The following ADAM22 variants were observed in gnomAD, a reference collection of about 807,000 sequenced individuals.
ADAM22 encodes the protein ADAM metallopeptidase domain 22, also known as disintegrin and metalloproteinase domain-containing protein 22.
Under a neutral mutation model 144.6 loss-of-function variants are expected in ADAM22, and 65 were observed. That is an observed-to-expected ratio of 0.45 (90% CI 0.37 to 0.55). ADAM22 has a LOEUF of 0.55. Among genes scored for constraint, ADAM22 ranks in the 20% least tolerant of loss-of-function variants. The pLI is 0.00. For synonymous variants in ADAM22, 391 were observed against 412.6 expected (o/e 0.95, Z 0.63); for missense variants, 974 against 1,184.9 (o/e 0.82, Z 2.61).
In ADAM22 at chr7:88,145,420, T is replaced by C. The variant is rs1836097206; in HGVS notation, c.1398T>C (p.Cys466=). ...AAAATGTTTATATTCCTTAGGAATG[T>C]GTCCTTGAAGGAGCAGAGTGTTGTA... ...EECDCGTPAE[C]VLEGAECCKK... is the part of the protein sequence containing the mutation. Residue 466 remains cysteine (C), a synonymous_variant, in exon 17 of 32, where the codon TGT becomes TGC. Coordinates refer to ENST00000413139, the MANE Select transcript of ADAM22 (RefSeq NM_001324418.2). The C allele has an allele frequency of 1.9e-6, 3 of 1,612,786 alleles. No homozygotes were observed. Among genetic ancestry groups the C allele is most frequent in the Non-Finnish European group, 2.5e-6 (3 of 1,178,970 alleles).
chr7:88,011,823 G>A lies in ADAM22; in HGVS notation c.323+33411G>A, dbSNP rs148318468. On this transcript the variant is annotated intron_variant, in intron 3 of 31. Coordinates refer to ENST00000413139, the MANE Select transcript of ADAM22 (RefSeq NM_001324418.2). ...TGCAGTTTGAATGATACACCTAGGT[G>A]TAGATATTTTGGTATTTATTCTGTT... Among the ~76,000 whole-genome samples, 248 of 151,116 alleles carry A rather than the reference G, an allele frequency of 1.6e-3. 1 individual carries two copies. The highest frequency in any genetic ancestry group is 5.8e-3 in the African/African-American group (236 of 40,956).
In ADAM22 at chr7:88,201,634, C is replaced by T. The variant is rs1350015062; in HGVS notation, c.*5143C>T. On this transcript the variant is annotated 3_prime_UTR_variant, in exon 32 of 32. Transcript: ENST00000413139. Reference sequence around the variant, plus strand: ...CCTGATGCATCCCTGTTGCACTGTTCATAAAACCTGTATCATATGGGGAAG... The same window carrying T: ...CCTGATGCATCCCTGTTGCACTGTTTATAAAACCTGTATCATATGGGGAAG... 2.6e-5 allele frequency: 4 copies of T among 152,174 alleles called. No homozygotes were observed. Among genetic ancestry groups the T allele is most frequent in the African/African-American group, 9.7e-5 (4 of 41,430 alleles). The allele number at this position is 152,174 out of a possible 1,614,324, so 9.4% of individuals were successfully genotyped here.
In ADAM22 at chr7:88,125,676, G is replaced by C. The variant is rs1406167232; in HGVS notation, c.678+17G>C. 6.4e-7 allele frequency: 1 copy of C among 1,555,802 alleles called. No homozygotes were observed. The highest frequency in any genetic ancestry group is 1.4e-5 in the African/African-American group (1 of 71,046). On this transcript the variant is annotated intron_variant, in intron 8 of 31. Coordinates refer to ENST00000413139, the MANE Select transcript of ADAM22 (RefSeq NM_001324418.2). ...AAACGGCAGGTATGTATTCACAGTG[G>C]TGTGTCGTGTTATTTTAAAACAATT...
intron 5 of ADAM22, among the ~76,000 whole-genome samples, chr7:88,113,061 T>G (rs1826475431): frequency 6.6e-6 from 1 of 151,222 alleles, no homozygotes; most frequent in Non-Finnish European, 1.5e-5. Flanking sequence ...TTCCCTCTGC[T>G]TCCTGCTTCC....
At position 88,168,142 on chromosome 7, in the gene ADAM22, G is replaced by T. The variant is rs1289551192; in HGVS notation, c.2197G>T (p.Ala733Ser). 1 of 1,612,708 alleles carries T rather than the reference G, an allele frequency of 6.2e-7. No individual in the cohort carries two copies. The highest frequency in any genetic ancestry group is 1.7e-5 in the Admixed American group (1 of 59,906). Residue 733 changes from alanine (A) to serine (S), a missense_variant, in exon 25 of 32, where the codon GCT becomes TCT. Around this residue, in one of 2 missense-constraint regions of ADAM22, gnomAD observed 734 missense variants for 950.6 expected, o/e 0.77. Transcript: ENST00000413139. Reference protein sequence around the residue: ...TGITLSGNGVAGTNIIIGIIA... With the variant: ...TGITLSGNGVSGTNIIIGIIA... Reference sequence around the variant, plus strand: ...TTTCTTTTTTTTCCTCTCAGGTGTTGCTGGCACCAATATCATAATAGGCAT... The same window carrying T: ...TTTCTTTTTTTTCCTCTCAGGTGTTTCTGGCACCAATATCATAATAGGCAT...
chr7:87,989,843 G>T (rs569969553), intron 3 of ADAM22, among the ~76,000 whole-genome samples: 4 of 152,150 alleles, frequency 2.6e-5, no homozygotes, highest in African/African-American at 9.6e-5. Flanking sequence ...TTGAACCTGG[G>T]AGGTGGAGTT....
At chr7:88,081,911 C>T (rs546544422) in intron 4 of ADAM22, among the ~76,000 whole-genome samples, 1 of 151,322 alleles carries the variant, frequency 6.6e-6, no homozygotes, top group South Asian at 2.1e-4. Flanking sequence ...GGCCATACTG[C>T]CCAAGGTAAT....
intron 3 of ADAM22, among the ~76,000 whole-genome samples, chr7:88,068,781 G>A (rs1811950581): frequency 6.6e-6 from 1 of 152,116 alleles, no homozygotes. Flanking sequence ...CTGTCAGCTA[G>A]GGACATGATT....
chr7:88,187,324 TCAA>T (rs1848543215), intron 30 of ADAM22, among the ~76,000 whole-genome samples: 2 of 152,214 alleles, frequency 1.3e-5, no homozygotes, highest in Non-Finnish European at 2.9e-5. Context: ...ATACAGATTC[TCAA>T]CAAAGCATGT....
chr7:88,201,806 C>G lies in ADAM22; in HGVS notation c.*5315C>G, dbSNP rs1851223339. The G allele has an allele frequency of 6.6e-6, 1 of 152,134 alleles. No individual in the cohort carries two copies. The highest frequency in any genetic ancestry group is 1.5e-5 in the Non-Finnish European group (1 of 68,024). The allele number at this position is 152,134 out of a possible 1,614,324, so 9.4% of individuals were successfully genotyped here. ...ACGAATTCTTAAGATAATGCACATA[C>G]AGAATCATCAATAAAGTTTCAAAGA... On this transcript the variant is annotated 3_prime_UTR_variant, in exon 32 of 32. Transcript: ENST00000413139.
chr7:87,955,772 G>A (rs111504211), intron 2 of ADAM22, among the ~76,000 whole-genome samples: 1 of 152,166 alleles, frequency 6.6e-6, no homozygotes, highest in Non-Finnish European at 1.5e-5. Flanking sequence ...AGCTGTGGTG[G>A]GGTCCACCCA....
Position 88,163,777 on chromosome 7 carries a change from G to T in ADAM22, c.2076+597G>T, listed in dbSNP as rs546290885. ...TATCAGATAATGTGTATCCTGTACAGGTAAGTTTACAGGTTAAATATTCAT... is the reference window on the plus strand; with the variant it reads ...TATCAGATAATGTGTATCCTGTACATGTAAGTTTACAGGTTAAATATTCAT... On this transcript the variant is annotated intron_variant, in intron 23 of 31. Coordinates refer to ENST00000413139, the MANE Select transcript of ADAM22 (RefSeq NM_001324418.2). Among the ~76,000 whole-genome samples, 3 of 152,160 alleles carry T rather than the reference G, an allele frequency of 2.0e-5. No individual in the cohort carries two copies. In the South Asian group the frequency reaches 6.2e-4, roughly 32 times the overall value.
intron 3 of ADAM22, among the ~76,000 whole-genome samples, chr7:87,989,372 G>A (rs1174521866): frequency 5.3e-5 from 8 of 151,702 alleles, no homozygotes; most frequent in Admixed American, 5.3e-4. Flanking sequence ...AATTTTTCAG[G>A]CTATATTATT....
intron 30 of ADAM22, 83 bp from the exon 31 acceptor site, chr7:88,193,033 G>T: frequency 1.3e-6 from 2 of 1,547,904 alleles, no homozygotes; most frequent in Non-Finnish European, 1.8e-6. Flanking sequence ...GAAGTCAGAG[G>T]GTTTGTTCTG....
intron 26 of ADAM22, among the ~76,000 whole-genome samples, chr7:88,175,162 A>G (rs928286118): frequency 6.6e-6 from 1 of 152,134 alleles, no homozygotes; most frequent in Non-Finnish European, 1.5e-5. Context: ...TCATAACAGG[A>G]CCATTAGCCT....
At chr7:87,966,240 T>C (rs984666368) in intron 2 of ADAM22, among the ~76,000 whole-genome samples, 2 of 152,192 alleles carry the variant, frequency 1.3e-5, no homozygotes, top group African/African-American at 4.8e-5. Flanking sequence ...GTCGGAGGGA[T>C]TTTTGTCTGC....
At chr7:87,968,354 A>C (rs1015893962) in intron 2 of ADAM22, among the ~76,000 whole-genome samples, 4 of 152,176 alleles carry the variant, frequency 2.6e-5, no homozygotes. Flanking sequence ...AATTTGAGGC[A>C]TAGGCACTAG....
chr7:87,965,459 C>T (rs1363487525), intron 2 of ADAM22, among the ~76,000 whole-genome samples: 1 of 152,154 alleles, frequency 6.6e-6, no homozygotes, highest in Non-Finnish European at 1.5e-5. Context: ...GTGAGCAGAA[C>T]ATCCTTTAGA....
At chr7:88,103,376 T>G (rs1823475298) in intron 4 of ADAM22, among the ~76,000 whole-genome samples, 1 of 152,178 alleles carries the variant, frequency 6.6e-6, no homozygotes, top group Admixed American at 6.5e-5. Context: ...AATAAAAATG[T>G]GGTATGTCTT....
Sources: allele counts gnomAD v4.1 joint callset (sites outside exome capture counted in the v4.1 genomes callset), GRCh38; gene constraint gnomAD v4.1.1; regional missense constraint gnomAD v4.1.1; transcripts MANE v1.5; gene names NCBI Gene and HGNC (gene_info 2026-07-23, HGNC 2026-07-21).